The following FAM184B variants were observed in gnomAD, a reference collection of about 807,000 sequenced individuals.
FAM184B encodes family with sequence similarity 184 member B.
Under a neutral mutation model 135.9 loss-of-function variants are expected in FAM184B, and 111 were observed. The ratio of observed to expected loss-of-function variants is 0.82; its 90% CI spans 0.70 to 0.96. FAM184B has a LOEUF of 0.96. Among genes scored for constraint, FAM184B ranks in the 40% least tolerant of loss-of-function variants. The pLI, the probability that FAM184B is intolerant of heterozygous loss-of-function variation, is 0.00. For missense variants in FAM184B, 1,375 were observed against 1,323.9 expected, an observed-to-expected ratio of 1.04 and a Z score of -0.60; for synonymous variants, 552 against 524.8, an observed-to-expected ratio of 1.05 and a Z score of -0.71.
In FAM184B at chr4:17,746,108, G is replaced by A. The variant is rs553839269; in HGVS notation, c.141+35051C>T. Among the ~76,000 whole-genome samples, 9 of 152,028 alleles carry A rather than the reference G, an allele frequency of 5.9e-5. No homozygotes were observed. The South Asian group carries it at 8.3e-4, about 14-fold the overall frequency. ...CGAGTAGCTGGGATTACAGGAGGCC[G>A]CCACCACACCTGGCTAATTTTTGTA... On this transcript the variant is annotated intron_variant, in intron 1 of 17. Coordinates refer to ENST00000265018, the MANE Select transcript of FAM184B (RefSeq NM_015688.2).
chr4:17,738,571 C>G (rs983670751), intron 1 of FAM184B, among the ~76,000 whole-genome samples: 1 of 151,836 alleles, frequency 6.6e-6, no homozygotes, highest in African/African-American at 2.4e-5. Context: ...CAAGGAGGAC[C>G]AATAATTTGC....
intron 1 of FAM184B, among the ~76,000 whole-genome samples, chr4:17,769,888 A>G (rs1718775738): frequency 6.6e-6 from 1 of 152,154 alleles, no homozygotes; most frequent in Admixed American, 6.5e-5. Flanking sequence ...TAGGCAATAA[A>G]CCAATAAAGG....
At chr4:17,644,275 A>T (rs938539797) in intron 12 of FAM184B, among the ~76,000 whole-genome samples, 1 of 152,218 alleles carries the variant, frequency 6.6e-6, no homozygotes, top group African/African-American at 2.4e-5. Flanking sequence ...TGGCAGAGAC[A>T]CAACAAAAAA....
At chr4:17,754,553 GAA>G (rs11329711) in intron 1 of FAM184B, among the ~76,000 whole-genome samples, 25 of 47,130 alleles carry the variant, frequency 5.3e-4, no homozygotes, top group African/African-American at 1.1e-3. Flanking sequence ...CTCTGTCTCA[GAA>G]AAAAAAAAAA....
At chr4:17,734,803 C>T (rs1015579617) in intron 1 of FAM184B, among the ~76,000 whole-genome samples, 2 of 150,718 alleles carry the variant, frequency 1.3e-5, no homozygotes, top group Non-Finnish European at 3.0e-5. Context: ...ACTAGAAATA[C>T]CATTTGACCC....
chr4:17,633,533 C>G, intron 17 of FAM184B, 156 bp downstream of exon 17: 1 of 644,786 alleles, frequency 1.6e-6, no homozygotes, highest in Non-Finnish European at 2.5e-6. Flanking sequence ...ATAACCCATG[C>G]TGAAGTTTTC....
intron 1 of FAM184B, among the ~76,000 whole-genome samples, chr4:17,752,094 A>G (rs1318238011): frequency 6.6e-6 from 1 of 152,112 alleles, no homozygotes; most frequent in Non-Finnish European, 1.5e-5. Context: ...TTGGTATACA[A>G]TGACTGGCTC....
chr4:17,720,254 C>A (rs534909326), intron 1 of FAM184B, among the ~76,000 whole-genome samples: 41 of 152,250 alleles, frequency 2.7e-4, no homozygotes, highest in African/African-American at 7.2e-4. Flanking sequence ...GGATATTGAA[C>A]CTGCAGCTCA....
intron 1 of FAM184B, among the ~76,000 whole-genome samples, chr4:17,732,999 G>T (rs1717821842): frequency 6.6e-6 from 1 of 152,120 alleles, no homozygotes; most frequent in Non-Finnish European, 1.5e-5. Flanking sequence ...TGATCAAGTG[G>T]GCTTCATTCC....
At chr4:17,670,183 T>C (rs1351669347) in intron 7 of FAM184B, among the ~76,000 whole-genome samples, 1 of 152,250 alleles carries the variant, frequency 6.6e-6, no homozygotes, top group African/African-American at 2.4e-5. Context: ...TTTAAATGTA[T>C]TCATTTGTAT....
rs548007223 is a variant in FAM184B at position 17,705,747 on chromosome 4, A to T, written c.1170+5T>A. Reference sequence around the variant, plus strand: ...CTCCATCCCCAGGGCTGGGTCAGACACTACCTGCATATCTGTGCCTCCTTT... The same window carrying T: ...CTCCATCCCCAGGGCTGGGTCAGACTCTACCTGCATATCTGTGCCTCCTTT... On this transcript the variant is annotated splice_donor_5th_base_variant and intron_variant, in intron 4 of 17. Coordinates refer to ENST00000265018, the MANE Select transcript of FAM184B (RefSeq NM_015688.2). The T allele has an allele frequency of 1.9e-6, 3 of 1,551,704 alleles. No homozygotes were observed. In the Admixed American group the frequency reaches 5.9e-5, roughly 30 times the overall value.
intron 1 of FAM184B, among the ~76,000 whole-genome samples, chr4:17,765,567 A>G (rs976436140): frequency 6.6e-6 from 1 of 152,198 alleles, no homozygotes; most frequent in African/African-American, 2.4e-5. Context: ...CAGTTTTTGT[A>G]TAAAAAACAG....
At chr4:17,703,937 A>AAAAAAGC (rs1026174713) in intron 5 of FAM184B, among the ~76,000 whole-genome samples, 1 of 151,844 alleles carries the variant, frequency 6.6e-6, no homozygotes, top group Non-Finnish European at 1.5e-5. Context: ...TTCAAAAAAA[A>AAAAAAGC]AAAAAGCAAA....
At chr4:17,653,872 A>G (rs965271187) in intron 10 of FAM184B, among the ~76,000 whole-genome samples, 8 of 77,644 alleles carry the variant, frequency 1.0e-4, no homozygotes, top group Non-Finnish European at 1.6e-4. Context: ...AGAGGGCCGT[A>G]GGAGGCTCAG....
In FAM184B at chr4:17,631,607, C is replaced by G. The variant is rs1036554640; in HGVS notation, c.*925G>C. The G allele has an allele frequency of 6.6e-6, 1 of 152,138 alleles. No individual in the cohort carries two copies. The highest frequency in any genetic ancestry group is 2.4e-5 in the African/African-American group (1 of 41,408). 9.4% of individuals were successfully genotyped at this position (152,138 alleles called of 1,614,324 possible). A position where few individuals can be genotyped will look rare whatever the true frequency, so the allele number is the denominator to read the frequency against. On this transcript the variant is annotated 3_prime_UTR_variant, in exon 18 of 18. Coordinates refer to ENST00000265018, the MANE Select transcript of FAM184B (RefSeq NM_015688.2). ...AACCTTGTGGTACTTAATTCCAATT[C>G]ATGTTAATTTATGTTATCTTGCTTA... is the stretch of plus-strand genomic sequence containing the variant.
intron 7 of FAM184B, among the ~76,000 whole-genome samples, chr4:17,688,111 G>A (rs1055428399): frequency 3.9e-5 from 6 of 152,188 alleles, no homozygotes; most frequent in African/African-American, 1.4e-4. Context: ...GTGCTGGGCA[G>A]AATCAAAGGC....
At chr4:17,710,966 A>AG (rs987449260) in intron 1 of FAM184B, among the ~76,000 whole-genome samples, 1 of 152,134 alleles carries the variant, frequency 6.6e-6, no homozygotes, top group Non-Finnish European at 1.5e-5. Flanking sequence ...GCTACAGAGG[A>AG]GGGGGGTGAA....
At position 17,736,790 on chromosome 4, in the gene FAM184B, T is replaced by C. The variant is rs555157444; in HGVS notation, c.142-27146A>G. Among the ~76,000 whole-genome samples, 24 of 152,222 alleles carry C rather than the reference T, an allele frequency of 1.6e-4. No individual in the cohort carries two copies. In the South Asian group the frequency reaches 2.7e-3, roughly 17 times the overall value. On this transcript the variant is annotated intron_variant, in intron 1 of 17. Transcript: ENST00000265018. The stretch of plus-strand genomic sequence containing the variant: ...ACCTGGCCACACGGAGGCTGGGAAA[T>C]GAAGTCTCTAGCTGGGCTGCCATGT...
chr4:17,683,969 A>G (rs1486534318), intron 7 of FAM184B, among the ~76,000 whole-genome samples: 2 of 151,750 alleles, frequency 1.3e-5, no homozygotes, highest in East Asian at 3.9e-4. Flanking sequence ...CCAGCCACTC[A>G]GGAGTCTAGG....
Sources: allele counts gnomAD v4.1 joint callset (sites outside exome capture counted in the v4.1 genomes callset), GRCh38; gene constraint gnomAD v4.1.1; transcripts MANE v1.5; gene names NCBI Gene and HGNC (gene_info 2026-07-23, HGNC 2026-07-21).